CFAP54: variants seen among roughly 807,000 people sequenced by gnomAD.
CFAP54 encodes cilia and flagella associated protein 54.
Under a neutral mutation model 370.4 loss-of-function variants are expected in CFAP54, and 290 were observed. That is an observed-to-expected ratio of 0.78 (90% confidence interval 0.71 to 0.86). The LOEUF (loss-of-function observed/expected upper bound fraction) is 0.86. Ranked by LOEUF, CFAP54 falls within the 40% of genes least tolerant of loss-of-function variation. The pLI is 0.00. For missense variants in CFAP54, 3,399 were observed against 3,528.7 expected, an observed-to-expected ratio of 0.96 and a Z score of 0.93; for synonymous variants, 1,206 against 1,236.5, an observed-to-expected ratio of 0.98 and a Z score of 0.52.
intron 46 of CFAP54, among the ~76,000 whole-genome samples, chr12:96,700,784 C>T (rs1295396507): frequency 6.6e-6 from 1 of 152,116 alleles, no homozygotes; most frequent in Admixed American, 6.5e-5. Context: ...TGCTTGGACC[C>T]TCCTAGACCA....
intron 40 of CFAP54, among the ~76,000 whole-genome samples, chr12:96,681,737 G>A (rs527397286): frequency 6.6e-6 from 1 of 152,116 alleles, no homozygotes; most frequent in South Asian, 2.1e-4. Context: ...CGAGTAGCTG[G>A]GACTATAGAC....
At chr12:96,624,738 C>A (rs1265523792) in intron 28 of CFAP54, among the ~76,000 whole-genome samples, 1 of 152,158 alleles carries the variant, frequency 6.6e-6, no homozygotes, top group Admixed American at 6.5e-5. Context: ...ATGTCCCTAC[C>A]TCACCTTTCC....
chr12:96,742,477 T>G lies in CFAP54; in HGVS notation c.7110T>G (p.Pro2370=), dbSNP rs761810311. The stretch of plus-strand genomic sequence containing the variant: ...AAGATGACAGTGAGTTTTTAGATCC[T>G]ATTTCCCTAAATGCCCGAGAATATT... ...ENKDDSEFLD[P]ISLNAREYFN... Residue 2370 remains proline (P), a synonymous_variant, in exon 52 of 68, where the codon CCT becomes CCG. Transcript: ENST00000524981. The G allele has an allele frequency of 1.2e-6, 2 of 1,603,380 alleles. No homozygotes were observed. Among genetic ancestry groups the G allele is most frequent in the Non-Finnish European group, 1.7e-6 (2 of 1,171,010 alleles).
At chr12:96,501,568 T>C (rs967867687) in intron 2 of CFAP54, among the ~76,000 whole-genome samples, 8 of 152,088 alleles carry the variant, frequency 5.3e-5, no homozygotes, top group African/African-American at 1.9e-4. Context: ...CATGGCTGGG[T>C]TTTCCATTAA....
intron 47 of CFAP54, among the ~76,000 whole-genome samples, chr12:96,708,044 A>G (rs578259154): frequency 1.3e-5 from 2 of 152,132 alleles, no homozygotes; most frequent in Non-Finnish European, 2.9e-5. Flanking sequence ...TTTCCACCCC[A>G]GGGATGCAGA....
intron 63 of CFAP54, among the ~76,000 whole-genome samples, chr12:96,793,776 G>T (rs981608511): frequency 6.6e-6 from 1 of 152,020 alleles, no homozygotes; most frequent in African/African-American, 2.4e-5. Flanking sequence ...TATTTGCATT[G>T]TTGTTGTTTT....
At chr12:96,800,904 C>G (rs1277490228) in intron 63 of CFAP54, among the ~76,000 whole-genome samples, 2 of 152,170 alleles carry the variant, frequency 1.3e-5, no homozygotes, top group Non-Finnish European at 2.9e-5. Context: ...AGCAATCTGA[C>G]TCCAGAGTCT....
rs549039039 is a variant in CFAP54, at chr12:96,818,773, T to C, written c.9096+860T>C. 4.6e-5 allele frequency among the ~76,000 whole-genome samples: 7 copies of C among 152,332 alleles called. 1 individual carries two copies. Among genetic ancestry groups the C allele is most frequent in the African/African-American group, 1.7e-4 (7 of 41,580 alleles). The stretch of plus-strand genomic sequence containing the variant: ...AGCCCAGAAGGGGTTGAGCCTAGCA[T>C]GCTCTGTTGCTTTTCCCAAACTCAC... On this transcript the variant is annotated intron_variant, in intron 65 of 67. Transcript: ENST00000524981.
At position 96,765,077 on chromosome 12, in the gene CFAP54, G is replaced by A; in HGVS notation, c.8140G>A (p.Val2714Ile). Residue 2714 changes from valine (V) to isoleucine (I), a missense_variant and splice_region_variant, in exon 60 of 68, where the codon GTC (valine) becomes ATC (isoleucine). By Grantham distance (29) the Val-to-Ile change is conservative. Coordinates refer to ENST00000524981, the MANE Select transcript of CFAP54 (RefSeq NM_001306084.2). ...ATTCTAATTTATGCATTAATTGTAG[G>A]TCAGTGAAGCTGTGCTGGCAATTAA... ...AWIAIRAAAQ[V>I]SEAVLAINLL... The A allele has an allele frequency of 7.0e-7, 1 of 1,436,178 alleles. No homozygotes were observed. Among genetic ancestry groups the A allele is most frequent in the Non-Finnish European group, 9.3e-7 (1 of 1,073,790 alleles). 89.0% of individuals were successfully genotyped at this position (1,436,178 alleles called of 1,614,324 possible). A position where few individuals can be genotyped will look rare whatever the true frequency, so the allele number is the denominator to read the frequency against.
intron 22 of CFAP54, among the ~76,000 whole-genome samples, chr12:96,582,853 G>C (rs970455264): frequency 2.6e-5 from 4 of 152,050 alleles, no homozygotes; most frequent in African/African-American, 4.8e-5. Flanking sequence ...ATGTTAAGAG[G>C]CTAAAGCAAA....
At chr12:96,666,206 G>A (rs1957077805) in intron 39 of CFAP54, among the ~76,000 whole-genome samples, 2 of 152,150 alleles carry the variant, frequency 1.3e-5, no homozygotes, top group South Asian at 4.1e-4. Context: ...TCTTATTTAT[G>A]AATGCTTTTG....
At chr12:96,700,802 A>G (rs1957483534) in intron 46 of CFAP54, among the ~76,000 whole-genome samples, 1 of 152,182 alleles carries the variant, frequency 6.6e-6, no homozygotes, top group South Asian at 2.1e-4. Context: ...CCAGCAATAA[A>G]GGAAATGGGA....
chr12:96,675,818 C>G (rs1244267960), intron 39 of CFAP54, among the ~76,000 whole-genome samples: 2 of 151,946 alleles, frequency 1.3e-5, no homozygotes, highest in Non-Finnish European at 2.9e-5. Flanking sequence ...AACCATCATT[C>G]TCAGCAAACT....
intron 1 of CFAP54, among the ~76,000 whole-genome samples, chr12:96,492,962 T>A (rs1739611999): frequency 6.7e-6 from 1 of 149,630 alleles, no homozygotes; most frequent in Admixed American, 6.7e-5. Context: ...GCCACTGCAC[T>A]CCACCCTGGA....
intron 65 of CFAP54, among the ~76,000 whole-genome samples, chr12:96,826,505 T>A (rs1324224364): frequency 9.6e-6 from 1 of 104,430 alleles, no homozygotes; most frequent in African/African-American, 3.7e-5. Context: ...ATATATATCA[T>A]GATATATAAA....
chr12:96,803,224 C>T (rs1958840862), intron 63 of CFAP54, among the ~76,000 whole-genome samples: 1 of 152,162 alleles, frequency 6.6e-6, no homozygotes, highest in Non-Finnish European at 1.5e-5. Flanking sequence ...AATGGTATTT[C>T]TGGTTCCAGA....
intron 32 of CFAP54, among the ~76,000 whole-genome samples, chr12:96,642,736 T>C (rs1956745889): frequency 6.6e-6 from 1 of 152,242 alleles, no homozygotes; most frequent in Non-Finnish European, 1.5e-5. Flanking sequence ...CTTCCTCTTA[T>C]GGCTTCACAT....
At chr12:96,689,541 C>T (rs1366192905) in intron 43 of CFAP54, among the ~76,000 whole-genome samples, 2 of 152,140 alleles carry the variant, frequency 1.3e-5, no homozygotes, top group Non-Finnish European at 2.9e-5. Context: ...ACTGAGTCTC[C>T]TGTCATTAGG....
intron 32 of CFAP54, among the ~76,000 whole-genome samples, chr12:96,638,590 GTT>G (rs1956688625): frequency 1.3e-5 from 2 of 151,998 alleles, no homozygotes; most frequent in East Asian, 3.9e-4. Context: ...AGTTCTATAT[GTT>G]TTTAAATTAT....
Sources: gnomAD v4.1 joint callset for allele counts (sites outside exome capture counted in the v4.1 genomes callset) on GRCh38, gnomAD v4.1.1 for gene constraint, MANE v1.5 for transcripts, NCBI Gene and HGNC (gene_info 2026-07-23, HGNC 2026-07-21) for gene names.